Variants in MPPED2 observed in about 807,000 individuals in gnomAD.
MPPED2 encodes metallophosphoesterase MPPED2.
MPPED2 carries 5 observed loss-of-function variants against 33.0 expected under a neutral mutation model. That is an observed-to-expected ratio of 0.15 (90% confidence interval 0.08 to 0.32). MPPED2 has a LOEUF of 0.32. MPPED2 is among the 10% of genes least tolerant of loss of function. The pLI is 1.00. For synonymous variants in MPPED2, 136 were observed against 141.9 expected, an observed-to-expected ratio of 0.96 and a Z score of 0.29; for missense variants, 275 against 372.1, an observed-to-expected ratio of 0.74 and a Z score of 2.15.
chr11:30,455,939 C>CT (rs1226086735), intron 4 of MPPED2, among the ~76,000 whole-genome samples: 1 of 152,252 alleles, frequency 6.6e-6, no homozygotes, highest in East Asian at 1.9e-4. Flanking sequence ...TTTCTCCACT[C>CT]TAACACAGAC....
rs117962715 is a variant in MPPED2 at position 30,446,551 on chromosome 11, C to A, written c.537-28918G>T. On this transcript the variant is annotated intron_variant, in intron 4 of 6. Transcript: ENST00000358117. ...CTGGGCATCTTTGTCCATGTGTGTTCGCTTGCTGCAGCCTCCATGCTCTGC... is the reference window on the plus strand; with the variant it reads ...CTGGGCATCTTTGTCCATGTGTGTTAGCTTGCTGCAGCCTCCATGCTCTGC... Among the ~76,000 whole-genome samples the A allele has an allele frequency of 9.4e-3, 1,422 of 151,822 alleles. 8 individuals are homozygous for A. The highest frequency in any genetic ancestry group is 0.016 in the Non-Finnish European group (1,107 of 67,962).
chr11:30,493,954 G>T (rs1369452568), intron 4 of MPPED2, among the ~76,000 whole-genome samples: 1 of 152,198 alleles, frequency 6.6e-6, no homozygotes, highest in Non-Finnish European at 1.5e-5. Context: ...CACGCTTCTT[G>T]TCTGGCCTCC....
At chr11:30,581,423 G>A (rs556629708) in intron 1 of MPPED2, among the ~76,000 whole-genome samples, 1 of 152,312 alleles carries the variant, frequency 6.6e-6, no homozygotes, top group African/African-American at 2.4e-5. Flanking sequence ...TGCAAAGGCT[G>A]AGGGAAGCAA....
chr11:30,491,237 G>C (rs1951969410), intron 4 of MPPED2, among the ~76,000 whole-genome samples: 1 of 152,180 alleles, frequency 6.6e-6, no homozygotes, highest in Non-Finnish European at 1.5e-5. Flanking sequence ...AGACATTAAA[G>C]GAATTCAAGC....
At chr11:30,516,241 C>T (rs1282008146) in intron 3 of MPPED2, among the ~76,000 whole-genome samples, 1 of 152,104 alleles carries the variant, frequency 6.6e-6, no homozygotes, top group Non-Finnish European at 1.5e-5. Context: ...AAATTAAGCT[C>T]GCTCCCTTCT....
At position 30,586,273 on chromosome 11, in the gene MPPED2, C is replaced by T. The variant is rs999434860; in HGVS notation, c.-353G>A. ...GGGGGAGAAAGGACCCGAGCAGCCT[C>T]GATCTGGGGAGAGAGCGAGCGAGGG... On this transcript the variant is annotated 5_prime_UTR_variant, in exon 1 of 7. Coordinates refer to ENST00000358117, the MANE Select transcript of MPPED2 (RefSeq NM_001584.3). The surrounding 1 kb of genome is among the most constrained non-coding windows in gnomAD (Gnocchi z 4.8). The T allele has an allele frequency of 7.2e-5, 11 of 153,146 alleles. No individual in the cohort carries two copies. The highest frequency in any genetic ancestry group is 2.2e-4 in the African/African-American group (9 of 41,438). 9.5% of individuals were successfully genotyped at this position (153,146 alleles called of 1,614,324 possible).
At chr11:30,480,941 A>G (rs916417573) in intron 4 of MPPED2, among the ~76,000 whole-genome samples, 13 of 152,120 alleles carry the variant, frequency 8.5e-5, no homozygotes, top group African/African-American at 3.1e-4. Context: ...TAATGAAGAT[A>G]AGAAAATTGA....
intron 2 of MPPED2, among the ~76,000 whole-genome samples, chr11:30,550,029 C>G (rs1189121443): frequency 6.6e-6 from 1 of 152,124 alleles, no homozygotes; most frequent in Non-Finnish European, 1.5e-5. Flanking sequence ...ACCTATCAAG[C>G]CTTCAGATTT....
chr11:30,473,772 TGTGG>T (rs1244192710), intron 4 of MPPED2, among the ~76,000 whole-genome samples: 2 of 152,204 alleles, frequency 1.3e-5, no homozygotes, highest in Admixed American at 1.3e-4. Context: ...TGAGCTGCCC[TGTGG>T]AGAGGTCCAT....
intron 1 of MPPED2, among the ~76,000 whole-genome samples, chr11:30,582,028 A>G (rs996036195): frequency 1.3e-5 from 2 of 152,234 alleles, no homozygotes; most frequent in South Asian, 2.1e-4. Context: ...TAAGATATCT[A>G]TAAGAACTGC....
intron 1 of MPPED2, among the ~76,000 whole-genome samples, chr11:30,585,368 GCGAGAGCGGCGCGCGCGGGCGGCCC>G (rs1270267043): frequency 1.3e-5 from 2 of 151,930 alleles, no homozygotes; most frequent in South Asian, 2.1e-4. Context: ...AGAGCCCCGA[GCGAGAGCGGCGCGCGCGGGCGGCCC>G]CGGGGGCGGC....
chr11:30,573,809 C>T (rs1225736497), intron 2 of MPPED2, among the ~76,000 whole-genome samples: 5 of 152,044 alleles, frequency 3.3e-5, no homozygotes, highest in African/African-American at 1.2e-4. Context: ...AGTTTAAATC[C>T]TTCATTCCCT....
At chr11:30,543,792 CTTTTTTTTTTTT>C (rs35206591) in intron 2 of MPPED2, among the ~76,000 whole-genome samples, 1 of 106,630 alleles carries the variant, frequency 9.4e-6, no homozygotes. Context: ...TGGCGTTGTT[CTTTTTTTTTTTT>C]TTTTTTTTTT....
intron 4 of MPPED2, among the ~76,000 whole-genome samples, chr11:30,443,963 C>G (rs1457630028): frequency 6.6e-6 from 1 of 152,136 alleles, no homozygotes; most frequent in African/African-American, 2.4e-5. Context: ...GATACAAGAC[C>G]TTCTGGAAAA....
At chr11:30,558,700 G>T (rs1312235675) in intron 2 of MPPED2, among the ~76,000 whole-genome samples, 1 of 151,824 alleles carries the variant, frequency 6.6e-6, no homozygotes, top group East Asian at 1.9e-4. Context: ...GGGATTACAG[G>T]CAGGAGCCAC....
At chr11:30,403,191 G>A (rs1245724895) in intron 6 of MPPED2, among the ~76,000 whole-genome samples, 1 of 150,440 alleles carries the variant, frequency 6.6e-6, no homozygotes, top group East Asian at 1.9e-4. Context: ...AGCTTGCCGT[G>A]AGCCGAGATC....
At chr11:30,553,005 A>G (rs1055998798) in intron 2 of MPPED2, among the ~76,000 whole-genome samples, 2 of 152,152 alleles carry the variant, frequency 1.3e-5, no homozygotes, top group African/African-American at 4.8e-5. Flanking sequence ...TAAATAAAAT[A>G]ATGTTCTCGA....
chr11:30,419,233 AC>A (rs1948507300), intron 4 of MPPED2, among the ~76,000 whole-genome samples: 1 of 152,226 alleles, frequency 6.6e-6, no homozygotes, highest in Non-Finnish European at 1.5e-5. Flanking sequence ...TCTCTACTTT[AC>A]AATGAGGAAA....
chr11:30,516,135 G>A (rs1953520486), intron 3 of MPPED2, among the ~76,000 whole-genome samples: 1 of 152,104 alleles, frequency 6.6e-6, no homozygotes, highest in Non-Finnish European at 1.5e-5. Flanking sequence ...TCTTAACAAA[G>A]TGCTTCAGGG....
Sources: allele counts gnomAD v4.1 joint callset (sites outside exome capture counted in the v4.1 genomes callset), GRCh38; gene constraint gnomAD v4.1.1; non-coding constraint Gnocchi (gnomAD v3.1); transcripts MANE v1.5; gene names NCBI Gene and HGNC (gene_info 2026-07-23, HGNC 2026-07-21).